SLC10A6: variants seen among roughly 807,000 people sequenced by gnomAD.
The protein encoded by SLC10A6 is solute carrier family 10 member 6.
Under a neutral mutation model 30.0 loss-of-function variants are expected in SLC10A6, and 27 were observed. The ratio of observed to expected loss-of-function variants is 0.90; its 90% confidence interval spans 0.66 to 1.24. The LOEUF (loss-of-function observed/expected upper bound fraction) is 1.24. SLC10A6 is among the 50% of genes most tolerant of loss of function. SLC10A6 has a pLI of 0.00. For synonymous variants in SLC10A6, 166 were observed against 173.8 expected, an observed-to-expected ratio of 0.95 and a Z score of 0.36; for missense variants, 439 against 457.0, an observed-to-expected ratio of 0.96 and a Z score of 0.36.
rs1185665184 is a variant in SLC10A6 at position 86,833,354 on chromosome 4, A to G, written c.448T>C (p.Trp150Arg). 1 of 1,614,132 alleles carries G rather than the reference A, an allele frequency of 6.2e-7. No homozygotes were observed. The highest frequency in any genetic ancestry group is 1.1e-5 in the South Asian group (1 of 91,080). Residue 150 changes from tryptophan (W) to arginine (R), a missense_variant, in exon 2 of 6, where the codon TGG becomes CGG. Transcript: ENST00000273905. ...MMPLCIYLYT[W>R]SWSLQQNLTI... ...AGATTCTGCTGAAGACTCCAGGACC[A>G]GGTGTAGAGATAAATGCAGAGTGGC...
Position 86,837,332 on chromosome 4 carries a change from A to AGTAG in SLC10A6, c.378-3909_378-3908insCTAC, listed in dbSNP as rs1292999906. On this transcript the variant is annotated intron_variant, in intron 1 of 5. Transcript: ENST00000273905. Reference sequence around the variant, plus strand: ...AAGGAAGGAAGGAAGGAAGGAAGGAAGGAAGGAAGGAAGGCAGGCAGGCAG... The same window carrying AGTAG: ...AAGGAAGGAAGGAAGGAAGGAAGGAAGTAGGGAAGGAAGGAAGGCAGGCAGGCAG... 1.3e-4 allele frequency among the ~76,000 whole-genome samples: 19 copies of AGTAG among 150,612 alleles called. 2 individuals are homozygous for AGTAG. Among genetic ancestry groups the AGTAG allele is most frequent in the Non-Finnish European group, 2.1e-4 (14 of 67,812 alleles).
At chr4:86,827,954 T>C (rs747890279) in intron 4 of SLC10A6, 39 bp downstream of exon 4, 8 of 1,589,718 alleles carry the variant, frequency 5.0e-6, no homozygotes, top group Non-Finnish European at 6.0e-6. Flanking sequence ...GTGTTAAATT[T>C]ACCTTCCTCA....
chr4:86,847,214 TA>T (rs1746406894), intron 1 of SLC10A6, among the ~76,000 whole-genome samples: 1 of 152,168 alleles, frequency 6.6e-6, no homozygotes, highest in Non-Finnish European at 1.5e-5. Context: ...TTCTCAGCTG[TA>T]AAATTCAGAA....
At chr4:86,846,166 A>C (rs779895792) in intron 1 of SLC10A6, among the ~76,000 whole-genome samples, 1 of 152,234 alleles carries the variant, frequency 6.6e-6, no homozygotes, top group Non-Finnish European at 1.5e-5. Flanking sequence ...AAATGTAATT[A>C]CTTAGATATT....
chr4:86,828,031 AC>A lies in SLC10A6; in HGVS notation c.722del (p.Gly241ValfsTer20), dbSNP rs1356269376. 1.2e-6 allele frequency: 2 copies of A among 1,613,672 alleles called. No homozygotes were observed. The highest frequency in any genetic ancestry group is 1.3e-5 in the African/African-American group (1 of 74,834). On this transcript the variant is annotated frameshift_variant, in exon 4 of 6. Coordinates refer to ENST00000273905, the MANE Select transcript of SLC10A6 (RefSeq NM_197965.3). LOFTEE classifies it high-confidence loss of function. ...FIFPLIGHVT[G>X]FLLALFTHQS... The stretch of plus-strand genomic sequence containing the variant: ...GGTGGGTAAAAAGTGCCAGCAGAAA[AC>A]CCGTGACATGGCCAATCAAAGGAAA...
Position 86,828,084 on chromosome 4 carries a change from T to G in SLC10A6, c.670A>C (p.Ile224Leu), listed in dbSNP as rs1450942000. ...ATGAAACTGATGGTCAGAAGGGTGA[T>G]GTCTGAATTCCAAGATCCTTTCGCC... ...VLAKGSWNSDITLLTISFIFP... is the reference protein window; with the variant it reads ...VLAKGSWNSDLTLLTISFIFP... Residue 224 changes from isoleucine (I) to leucine (L), a missense_variant, in exon 4 of 6, where the codon ATC becomes CTC. Transcript: ENST00000273905. The G allele has an allele frequency of 6.2e-7, 1 of 1,613,960 alleles. No individual in the cohort carries two copies. Among genetic ancestry groups the G allele is most frequent in the Non-Finnish European group, 8.5e-7 (1 of 1,179,904 alleles).
chr4:86,841,000 A>C (rs1187388207), intron 1 of SLC10A6, among the ~76,000 whole-genome samples: 2 of 152,228 alleles, frequency 1.3e-5, no homozygotes, highest in African/African-American at 4.8e-5. Flanking sequence ...AAACCTCTGT[A>C]TCCACAAAGA....
intron 3 of SLC10A6, among the ~76,000 whole-genome samples, chr4:86,831,582 C>A (rs989463823): frequency 2.0e-5 from 3 of 152,168 alleles, no homozygotes; most frequent in South Asian, 2.1e-4. Flanking sequence ...GCGTCATAAG[C>A]CTCAGGGTAC....
In SLC10A6 at chr4:86,834,609, A is replaced by G. The variant is rs536266486; in HGVS notation, c.378-1185T>C. On this transcript the variant is annotated intron_variant, in intron 1 of 5. Coordinates refer to ENST00000273905, the MANE Select transcript of SLC10A6 (RefSeq NM_197965.3). ...TCAGTGTGATAGTATTTTTATTGAAAATTTTTGCATGTATATTCATAAGAA... is the reference window on the plus strand; with the variant it reads ...TCAGTGTGATAGTATTTTTATTGAAGATTTTTGCATGTATATTCATAAGAA... Among the ~76,000 whole-genome samples, 51 of 152,210 alleles carry G rather than the reference A, an allele frequency of 3.4e-4. 1 individual carries two copies. The highest frequency in any genetic ancestry group is 5.3e-4 in the Non-Finnish European group (36 of 68,010).
chr4:86,836,464 T>C (rs1746186906), intron 1 of SLC10A6, among the ~76,000 whole-genome samples: 1 of 152,196 alleles, frequency 6.6e-6, no homozygotes, highest in Non-Finnish European at 1.5e-5. Flanking sequence ...AATGAATTAA[T>C]GCTATTTTAA....
rs34050763 is a variant in SLC10A6 at position 86,824,576 on chromosome 4, ATT to A, written c.920-676_920-675del. On this transcript the variant is annotated intron_variant, in intron 5 of 5. Transcript: ENST00000273905. ...TATATATGTGTATGTGAACATATAT[ATT>A]TTTTTTTTTCTTTTTCGACTTTTAG... Among the ~76,000 whole-genome samples, 34 of 149,078 alleles carry A rather than the reference ATT, an allele frequency of 2.3e-4. No homozygotes were observed. The East Asian group carries it at 5.7e-3, about 25-fold the overall frequency.
At chr4:86,834,242 T>C (rs766580520) in intron 1 of SLC10A6, among the ~76,000 whole-genome samples, 2 of 152,148 alleles carry the variant, frequency 1.3e-5, no homozygotes, top group Non-Finnish European at 2.9e-5. Flanking sequence ...TACCATGTGA[T>C]GCCTGCTCCT....
chr4:86,835,493 C>A (rs1299567925), intron 1 of SLC10A6, among the ~76,000 whole-genome samples: 1 of 152,086 alleles, frequency 6.6e-6, no homozygotes, highest in Admixed American at 6.6e-5. Context: ...ATGGTGAAAC[C>A]CTGTCTCTAC....
chr4:86,842,677 CAG>C (rs1188049848), intron 1 of SLC10A6, among the ~76,000 whole-genome samples: 1 of 136,340 alleles, frequency 7.3e-6, no homozygotes, highest in African/African-American at 2.9e-5. Context: ...AGTCTGATGA[CAG>C]AGTCTAAGAC....
chr4:86,846,223 A>G (rs749009131), intron 1 of SLC10A6, among the ~76,000 whole-genome samples: 25 of 152,212 alleles, frequency 1.6e-4, no homozygotes, highest in Admixed American at 5.2e-4. Flanking sequence ...TCTACTGAAA[A>G]TTGATTTTAT....
At chr4:86,826,546 CAATAAATAAATAAATA>C (rs71598412) in intron 4 of SLC10A6, among the ~76,000 whole-genome samples, 116 of 149,802 alleles carry the variant, frequency 7.7e-4, no homozygotes, top group Middle Eastern at 3.4e-3. Context: ...AACGAGGTCT[CAATAAATAAATAAATA>C]AATAAATAAA....
At chr4:86,826,532 G>A (rs1438212952) in intron 4 of SLC10A6, among the ~76,000 whole-genome samples, 2 of 128,578 alleles carry the variant, frequency 1.6e-5, no homozygotes, top group Admixed American at 8.0e-5. Flanking sequence ...ACTCCAGCCT[G>A]GGCAACGAGG....
At chr4:86,841,507 G>A (rs1019534757) in intron 1 of SLC10A6, among the ~76,000 whole-genome samples, 1 of 152,092 alleles carries the variant, frequency 6.6e-6, no homozygotes, top group African/African-American at 2.4e-5. Flanking sequence ...AAAATTTTTG[G>A]CAAAATCTAA....
chr4:86,830,221 C>A (rs1746055974), intron 3 of SLC10A6, among the ~76,000 whole-genome samples: 1 of 152,082 alleles, frequency 6.6e-6, no homozygotes, highest in African/African-American at 2.4e-5. Context: ...CATAGCAAGA[C>A]CCTGTCTCTA....
Sources: allele counts gnomAD v4.1 joint callset (sites outside exome capture counted in the v4.1 genomes callset), GRCh38; gene constraint gnomAD v4.1.1; transcripts MANE v1.5; gene names NCBI Gene and HGNC (gene_info 2026-07-23, HGNC 2026-07-21).